Variants in DCHS2 observed in about 807,000 individuals in gnomAD.
The protein encoded by DCHS2 is protocadherin-23.
Under a neutral mutation model 182.4 loss-of-function variants are expected in DCHS2, and 142 were observed. The observed-to-expected ratio is 0.78, with a 90% CI of 0.68 to 0.89. The LOEUF is 0.89. Ranked by LOEUF, DCHS2 falls within the 40% of genes least tolerant of loss-of-function variation. The pLI is 0.00. For missense variants in DCHS2, 4,319 were observed against 4,198.6 expected, an observed-to-expected ratio of 1.03 and a Z score of -0.79; for synonymous variants, 1,740 against 1,663.3, an observed-to-expected ratio of 1.05 and a Z score of -1.12.
chr4:154,299,094 A>G (rs1484902937), intron 12 of DCHS2, among the ~76,000 whole-genome samples: 1 of 152,230 alleles, frequency 6.6e-6, no homozygotes, highest in East Asian at 1.9e-4. Flanking sequence ...ATGAGGATAA[A>G]AAAAACAGAA....
intron 13 of DCHS2, among the ~76,000 whole-genome samples, chr4:154,282,496 C>T (rs6827619): frequency 0.66 from 100,583 of 151,416 alleles, 33,555 homozygotes; most frequent in Admixed American, 0.71. Flanking sequence ...TATTTTATAT[C>T]AAAAATTAAA....
chr4:154,333,565 T>A, intron 4 of DCHS2, 71 bp from the exon 5 acceptor site: 1 of 1,417,416 alleles, frequency 7.1e-7, no homozygotes, highest in Non-Finnish European at 9.5e-7. Context: ...GAAATTGAAA[T>A]GTTAATACAG....
chr4:154,319,656 T>TAAAAAAA (rs59154846), intron 9 of DCHS2, among the ~76,000 whole-genome samples: 3 of 116,942 alleles, frequency 2.6e-5, no homozygotes, highest in African/African-American at 9.7e-5. Flanking sequence ...TGGCTGTTAC[T>TAAAAAAA]AAAAAAAAAA....
At chr4:154,432,602 T>A (rs1267746037) in intron 1 of DCHS2, among the ~76,000 whole-genome samples, 1 of 149,898 alleles carries the variant, frequency 6.7e-6, no homozygotes, top group African/African-American at 2.5e-5. Context: ...ACTAAAAGAA[T>A]AGGCACAAAT....
intron 12 of DCHS2, among the ~76,000 whole-genome samples, chr4:154,304,020 C>T (rs6851712): frequency 0.99 from 151,144 of 151,916 alleles, 75,189 homozygotes; most frequent in Middle Eastern, 1. Context: ...AAAAGTTATT[C>T]GCAGGTACCA....
At chr4:154,378,152 G>A (rs1220714645) in intron 1 of DCHS2, among the ~76,000 whole-genome samples, 8 of 152,100 alleles carry the variant, frequency 5.3e-5, no homozygotes, top group African/African-American at 9.7e-5. Flanking sequence ...AAAAGGCACC[G>A]TCTTATTTTG....
intron 1 of DCHS2, among the ~76,000 whole-genome samples, chr4:154,484,232 A>G (rs923341956): frequency 3.9e-5 from 6 of 152,114 alleles, no homozygotes; most frequent in Non-Finnish European, 7.4e-5. Context: ...CCATTCCCCT[A>G]ATTCAGGCCC....
rs141492205 is a variant in DCHS2 at position 154,322,348 on chromosome 4, C to T, written c.4159G>A (p.Ala1387Thr). 3.1e-6 allele frequency: 5 copies of T among 1,613,470 alleles called. No individual in the cohort carries two copies. In the Admixed American group the frequency reaches 6.7e-5, roughly 22 times the overall value. ...AACATTACCTGAATATTAACAACTGCCTGTCCTTGAAGAGGAGGCACTCCC... is the reference window on the plus strand; with the variant it reads ...AACATTACCTGAATATTAACAACTGTCTGTCCTTGAAGAGGAGGCACTCCC... ...DQGVPPLQGQ[A>T]VVNIQVIPLS... Residue 1387 changes from alanine (A) to threonine (T), a missense_variant, in exon 8 of 20, where the codon GCA becomes ACA. Transcript: ENST00000357232.
rs1384830757 is a variant in DCHS2, at chr4:154,304,325, TA to T, written c.5605+343del. ...ACAGCAGTTTGCAAAGGCAGATTTT[TA>T]AAGAATGTGGAGAGCAGTGGTTCAA... is the stretch of plus-strand genomic sequence containing the variant. On this transcript the variant is annotated intron_variant, in intron 12 of 19. Transcript: ENST00000357232. Among the ~76,000 whole-genome samples the T allele has an allele frequency of 1.2e-4, 19 of 152,226 alleles. No homozygotes were observed. In the East Asian group the frequency reaches 3.7e-3, roughly 29 times the overall value.
intron 1 of DCHS2, among the ~76,000 whole-genome samples, chr4:154,413,355 G>T (rs2110896326): frequency 1.3e-5 from 2 of 151,736 alleles, no homozygotes; most frequent in East Asian, 3.9e-4. Flanking sequence ...ACCACTTTTT[G>T]TCACCTATAT....
intron 1 of DCHS2, among the ~76,000 whole-genome samples, chr4:154,422,395 T>G (rs377299528): frequency 3.9e-4 from 59 of 152,288 alleles, no homozygotes; most frequent in African/African-American, 1.4e-3. Context: ...GAGTCACCCT[T>G]GAGTCACCCT....
At chr4:154,382,593 A>G (rs1290298866) in intron 1 of DCHS2, among the ~76,000 whole-genome samples, 2 of 152,094 alleles carry the variant, frequency 1.3e-5, no homozygotes, top group Admixed American at 6.6e-5. Flanking sequence ...CACAAACTAT[A>G]TATCTGACAA....
intron 1 of DCHS2, among the ~76,000 whole-genome samples, chr4:154,428,666 C>A (rs553250331): frequency 6.6e-6 from 1 of 152,056 alleles, no homozygotes; most frequent in African/African-American, 2.4e-5. Context: ...TTTGGAAGGG[C>A]AAGGCGGGTG....
chr4:154,421,441 C>A, intron 1 of DCHS2, among the ~76,000 whole-genome samples: 1 of 152,022 alleles, frequency 6.6e-6, no homozygotes, highest in East Asian at 1.9e-4. Flanking sequence ...GTCACCCAGG[C>A]TGGAGTGCAA....
rs1013392556 is a variant in DCHS2 at position 154,255,461 on chromosome 4, A to G, written c.6941+58T>C. The G allele has an allele frequency of 6.4e-6, 10 of 1,553,756 alleles. No individual in the cohort carries two copies. The African/African-American group carries it at 1.1e-4, about 17-fold the overall frequency. On this transcript the variant is annotated intron_variant, in intron 16 of 19. Transcript: ENST00000357232. ...ACAGGAAGTTATGAACAAAACAGCA[A>G]TGTTGTCAGTAAGCAGGCAGAATAA...
At chr4:154,370,942 A>C (rs1730615945) in intron 2 of DCHS2, among the ~76,000 whole-genome samples, 1 of 152,344 alleles carries the variant, frequency 6.6e-6, no homozygotes, top group African/African-American at 2.4e-5. Context: ...TATTGATTAA[A>C]GTGGACGTGC....
At chr4:154,289,183 C>G (rs1363777490) in intron 13 of DCHS2, among the ~76,000 whole-genome samples, 1 of 151,838 alleles carries the variant, frequency 6.6e-6, no homozygotes, top group African/African-American at 2.4e-5. Context: ...ACAAAATCAA[C>G]AAACCTTTAG....
intron 3 of DCHS2, among the ~76,000 whole-genome samples, chr4:154,361,272 C>T (rs1298554290): frequency 6.6e-6 from 1 of 152,048 alleles, no homozygotes; most frequent in Non-Finnish European, 1.5e-5. Context: ...CAAACCTTGG[C>T]ATTATGCATT....
At chr4:154,311,773 A>AATG (rs1481731898) in intron 10 of DCHS2, among the ~76,000 whole-genome samples, 13 of 152,158 alleles carry the variant, frequency 8.5e-5, no homozygotes, top group Non-Finnish European at 2.9e-5. Context: ...AGAACCTGGA[A>AATG]TAAATGTATT....
Sources: allele counts gnomAD v4.1 joint callset (sites outside exome capture counted in the v4.1 genomes callset), GRCh38; gene constraint gnomAD v4.1.1; transcripts MANE v1.5; gene names NCBI Gene and HGNC (gene_info 2026-07-23, HGNC 2026-07-21).